AMBRA1: variants seen among roughly 807,000 people sequenced by gnomAD.
AMBRA1 encodes the protein activating molecule in BECN1-regulated autophagy protein 1.
Under a neutral mutation model 125.4 loss-of-function variants are expected in AMBRA1, and 47 were observed. That is an observed-to-expected ratio of 0.37 (90% CI 0.30 to 0.48). The LOEUF (loss-of-function observed/expected upper bound fraction) is 0.48. Among genes scored for constraint, AMBRA1 ranks in the 20% least tolerant of loss-of-function variants. The pLI, the probability that AMBRA1 is intolerant of heterozygous loss-of-function variation, is 0.99. For missense variants in AMBRA1, 1,331 were observed against 1,693.4 expected (o/e 0.79, Z 3.76); for synonymous variants, 626 against 655.5 (o/e 0.95, Z 0.69).
intron 12 of AMBRA1, among the ~76,000 whole-genome samples, chr11:46,441,515 G>GA (rs927450397): frequency 8.7e-5 from 13 of 149,910 alleles, no homozygotes; most frequent in South Asian, 4.2e-4. Flanking sequence ...CTCTGTTTCA[G>GA]AAAAAAAAAG....
rs59510298 is a variant in AMBRA1 at position 46,545,161 on chromosome 11, CGGG to C, written c.551+440_551+442del. On this transcript the variant is annotated intron_variant, in intron 5 of 17. Transcript: ENST00000683756. Reference sequence around the variant, plus strand: ...GTCTCCTTAAAAAAAAAAAAAAAGCCGGGGGGGGGGGGGTGGTGGTGGGCATGG... The same window carrying C: ...GTCTCCTTAAAAAAAAAAAAAAAGCCGGGGGGGGGGTGGTGGTGGGCATGG... Among the ~76,000 whole-genome samples, 105 of 33,752 alleles carry C rather than the reference CGGG, an allele frequency of 3.1e-3. 2 individuals are homozygous for C. Among genetic ancestry groups the C allele is most frequent in the African/African-American group, 0.012 (102 of 8,728 alleles). 22.1% of individuals were successfully genotyped at this position (33,752 alleles called of 152,430 possible).
At chr11:46,582,599 G>A (rs1316902833) in intron 1 of AMBRA1, among the ~76,000 whole-genome samples, 3 of 152,242 alleles carry the variant, frequency 2.0e-5, no homozygotes, top group South Asian at 4.1e-4. Context: ...TAAGAGCAGG[G>A]GAATGTGGAG....
At chr11:46,408,878 A>G (rs1316186682) in intron 16 of AMBRA1, among the ~76,000 whole-genome samples, 172 bp from the exon 17 acceptor site, 2 of 152,182 alleles carry the variant, frequency 1.3e-5, no homozygotes, top group Admixed American at 6.5e-5. Flanking sequence ...GTCTGTGTCC[A>G]TTCTCCCCCA....
At chr11:46,467,741 C>CT (rs1444928537) in intron 11 of AMBRA1, among the ~76,000 whole-genome samples, 1 of 152,064 alleles carries the variant, frequency 6.6e-6, no homozygotes, top group Non-Finnish European at 1.5e-5. Flanking sequence ...ACCATGTCAG[C>CT]TAGGCTGGTC....
At chr11:46,435,691 T>C (rs956753718) in intron 12 of AMBRA1, among the ~76,000 whole-genome samples, 14 of 152,238 alleles carry the variant, frequency 9.2e-5, no homozygotes, top group Admixed American at 9.2e-4. Context: ...CTATGCTCTA[T>C]GCCAATGTCC....
At chr11:46,501,927 C>T (rs1048878956) in intron 9 of AMBRA1, among the ~76,000 whole-genome samples, 90 of 152,238 alleles carry the variant, frequency 5.9e-4, no homozygotes, top group African/African-American at 2.1e-3. Flanking sequence ...AGAGGAATTA[C>T]TGTACTTGCC....
chr11:46,487,093 AC>A (rs1950295054), intron 11 of AMBRA1, among the ~76,000 whole-genome samples: 1 of 151,990 alleles, frequency 6.6e-6, no homozygotes, highest in African/African-American at 2.4e-5. Context: ...CCCCATCTCT[AC>A]GAAAAGTACA....
chr11:46,398,280 G>C (rs1945552851), intron 17 of AMBRA1, among the ~76,000 whole-genome samples: 1 of 152,186 alleles, frequency 6.6e-6, no homozygotes, highest in Admixed American at 6.5e-5. Flanking sequence ...CAGACAGCTG[G>C]TTTTGTCTGC....
At chr11:46,554,066 C>T (rs1339044273) in intron 1 of AMBRA1, among the ~76,000 whole-genome samples, 3 of 152,074 alleles carry the variant, frequency 2.0e-5, no homozygotes, top group African/African-American at 7.2e-5. Flanking sequence ...TAATTACTAA[C>T]CAGGAAAGTG....
chr11:46,528,827 A>G (rs1169994884), intron 7 of AMBRA1, among the ~76,000 whole-genome samples: 1 of 152,242 alleles, frequency 6.6e-6, no homozygotes, highest in East Asian at 1.9e-4. Flanking sequence ...AACAAAGAAA[A>G]GATAAACGCC....
At chr11:46,480,452 T>G (rs1222865841) in intron 11 of AMBRA1, among the ~76,000 whole-genome samples, 1 of 152,160 alleles carries the variant, frequency 6.6e-6, no homozygotes, top group Non-Finnish European at 1.5e-5. Context: ...GGGGGTGGTT[T>G]GTTCAGCAGC....
At chr11:46,588,071 G>A (rs572322157) in intron 1 of AMBRA1, among the ~76,000 whole-genome samples, 7 of 152,334 alleles carry the variant, frequency 4.6e-5, no homozygotes, top group Admixed American at 4.6e-4. Context: ...TGTGGCTCAT[G>A]CATGTAATCA....
intron 17 of AMBRA1, among the ~76,000 whole-genome samples, chr11:46,403,648 C>T (rs538266224): frequency 6.6e-6 from 1 of 152,282 alleles, no homozygotes; most frequent in Non-Finnish European, 1.5e-5. Context: ...GCTGTAGAGT[C>T]AAATTCTGGG....
intron 12 of AMBRA1, among the ~76,000 whole-genome samples, chr11:46,440,451 C>A (rs1947948987): frequency 6.6e-6 from 1 of 152,102 alleles, no homozygotes; most frequent in South Asian, 2.1e-4. Flanking sequence ...ACAGTGGTTA[C>A]ATGTGAGGAG....
intron 7 of AMBRA1, among the ~76,000 whole-genome samples, chr11:46,534,704 C>T (rs1276066169): frequency 6.6e-6 from 1 of 152,176 alleles, no homozygotes; most frequent in Non-Finnish European, 1.5e-5. Flanking sequence ...ACAGGGTCTC[C>T]ACTCTGTTGC....
intron 1 of AMBRA1, among the ~76,000 whole-genome samples, chr11:46,591,861 A>C (rs990294054): frequency 1.8e-4 from 28 of 151,828 alleles, no homozygotes; most frequent in African/African-American, 6.1e-4. Context: ...CGTCTCAAAA[A>C]ACACACACAC....
chr11:46,427,240 G>C (rs995147341), intron 14 of AMBRA1, among the ~76,000 whole-genome samples: 2 of 152,150 alleles, frequency 1.3e-5, no homozygotes, highest in African/African-American at 4.8e-5. Flanking sequence ...CAGGATCTAA[G>C]CCACAACTAT....
chr11:46,581,508 A>G (rs1273243322), intron 1 of AMBRA1, among the ~76,000 whole-genome samples: 5 of 151,824 alleles, frequency 3.3e-5, no homozygotes, highest in Admixed American at 2.6e-4. Context: ...TTGGGAGGCT[A>G]AGGCAGGAGA....
At chr11:46,449,676 A>G (rs1381261142) in intron 11 of AMBRA1, among the ~76,000 whole-genome samples, 1 of 152,238 alleles carries the variant, frequency 6.6e-6, no homozygotes, top group Non-Finnish European at 1.5e-5. Flanking sequence ...ATCTGATTCT[A>G]AAGTTTATAT....
Sources: gnomAD v4.1 joint callset for allele counts (sites outside exome capture counted in the v4.1 genomes callset) on GRCh38, gnomAD v4.1.1 for gene constraint, MANE v1.5 for transcripts, NCBI Gene and HGNC (gene_info 2026-07-23, HGNC 2026-07-21) for gene names.